The following CCDC196 variants were observed in gnomAD, a reference collection of about 807,000 sequenced individuals.
CCDC196 encodes coiled-coil domain-containing protein 196.
At chr14:66,488,526 C>T (rs369506122) in intron 3 of CCDC196, among the ~76,000 whole-genome samples, 6 of 152,220 alleles carry the variant, frequency 3.9e-5, no homozygotes, top group African/African-American at 9.6e-5. Context: ...TAACTCTTCA[C>T]ATTTCAGAAA....
chr14:66,497,073 G>C (rs1234894699), intron 8 of CCDC196, among the ~76,000 whole-genome samples: 1 of 152,138 alleles, frequency 6.6e-6, no homozygotes, highest in Non-Finnish European at 1.5e-5. Flanking sequence ...GAAAATAGTA[G>C]TGTTAAGCTA....
intron 8 of CCDC196, chr14:66,494,709 T>G (rs975396277): frequency 2.0e-5 from 3 of 152,228 alleles, no homozygotes; most frequent in African/African-American, 7.2e-5. Flanking sequence ...TTTATCTCCA[T>G]TAGGAAGTGA....
At chr14:66,494,491 T>G (rs1014705335) in intron 8 of CCDC196, among the ~76,000 whole-genome samples, 3 of 152,224 alleles carry the variant, frequency 2.0e-5, no homozygotes, top group African/African-American at 7.2e-5. Flanking sequence ...TCCAACTTTG[T>G]GTATCACCTG....
At chr14:66,488,344 C>T (rs1293067280) in intron 3 of CCDC196, 88 bp downstream of exon 3, 2 of 404,112 alleles carry the variant, frequency 4.9e-6, no homozygotes, top group Non-Finnish European at 8.9e-6. Context: ...AGACAGAGTA[C>T]TCATCTCTAG....
chr14:66,498,005 A>G (rs1018123072), intron 8 of CCDC196, 104 bp from the exon 9 acceptor site: 4 of 404,986 alleles, frequency 9.9e-6, no homozygotes, highest in Non-Finnish European at 1.8e-5. Flanking sequence ...GAAAATTCAC[A>G]TCAATGCTAA....
chr14:66,495,418 GTAT>G (rs1209208818), intron 8 of CCDC196, among the ~76,000 whole-genome samples: 2 of 152,136 alleles, frequency 1.3e-5, no homozygotes, highest in African/African-American at 2.4e-5. Context: ...TCTATGAAAG[GTAT>G]TATAGAACAA....
intron 2 of CCDC196, among the ~76,000 whole-genome samples, chr14:66,487,920 C>T (rs2057447313): frequency 6.6e-6 from 1 of 152,094 alleles, no homozygotes; most frequent in Non-Finnish European, 1.5e-5. Context: ...TGTTGGAGAC[C>T]TAAGTTTTAA....
chr14:66,498,297 G>A (rs2057714001), intron 9 of CCDC196, 56 bp from the exon 10 acceptor site: 1 of 412,406 alleles, frequency 2.4e-6, no homozygotes, highest in African/African-American at 2.1e-5. Context: ...TGCAGAGTGG[G>A]TGCTAGGGTA....
chr14:66,487,562 G>A (rs1314718975), intron 2 of CCDC196, among the ~76,000 whole-genome samples: 1 of 152,116 alleles, frequency 6.6e-6, no homozygotes, highest in Non-Finnish European at 1.5e-5. Context: ...AAAAGTACAA[G>A]AACACAAATA....
At chr14:66,486,999 A>G (rs1342885520) in intron 2 of CCDC196, among the ~76,000 whole-genome samples, 190 bp downstream of exon 2, 2 of 152,128 alleles carry the variant, frequency 1.3e-5, no homozygotes, top group African/African-American at 4.8e-5. Flanking sequence ...TCTTTTAGTA[A>G]ATTAAATATG....
intron 8 of CCDC196, 144 bp from the exon 9 acceptor site, chr14:66,497,965 A>G (rs371776704): frequency 2.5e-5 from 10 of 401,802 alleles, no homozygotes; most frequent in African/African-American, 1.7e-4. Context: ...ATATTGTTTG[A>G]CAAAGTTATT....
At chr14:66,488,855 C>A (rs1274434438) in intron 3 of CCDC196, 132 bp from the exon 4 acceptor site, 2 of 406,440 alleles carry the variant, frequency 4.9e-6, no homozygotes, top group East Asian at 3.6e-5. Context: ...TAGACCCATT[C>A]ATTGCCTTCC....
chr14:66,497,482 C>G (rs2057693161), intron 8 of CCDC196, among the ~76,000 whole-genome samples: 1 of 151,790 alleles, frequency 6.6e-6, no homozygotes, highest in African/African-American at 2.4e-5. Flanking sequence ...AAGGGATACC[C>G]TATTAAATTT....
At chr14:66,495,267 T>C (rs1195341822) in intron 8 of CCDC196, among the ~76,000 whole-genome samples, 3 of 152,206 alleles carry the variant, frequency 2.0e-5, no homozygotes, top group African/African-American at 4.8e-5. Flanking sequence ...AAGACTCAGA[T>C]ACATGAGTTG....
At chr14:66,495,410 T>C (rs1190899059) in intron 8 of CCDC196, among the ~76,000 whole-genome samples, 1 of 152,196 alleles carries the variant, frequency 6.6e-6, no homozygotes, top group African/African-American at 2.4e-5. Context: ...ACAGTGACTC[T>C]ATGAAAGGTA....
At chr14:66,497,979 T>C (rs2057706010) in intron 8 of CCDC196, 130 bp from the exon 9 acceptor site, 1 of 286,220 alleles carries the variant, frequency 3.5e-6, no homozygotes, top group Non-Finnish European at 6.5e-6. Flanking sequence ...AGTTATTTTC[T>C]AAAAAAAAAA....
intron 2 of CCDC196, among the ~76,000 whole-genome samples, chr14:66,487,852 TCCCAAAAGTCACA>T (rs1372694746): frequency 6.6e-6 from 1 of 152,060 alleles, no homozygotes; most frequent in Non-Finnish European, 1.5e-5. Context: ...CCCCTTCTTC[TCCCAAAAGTCACA>T]CACTGCAACA....
At chr14:66,496,119 TTC>T in intron 8 of CCDC196, 1 of 358,694 alleles carries the variant, frequency 2.8e-6, no homozygotes, top group South Asian at 2.2e-5. Flanking sequence ...AGGACAGCGT[TTC>T]TTTTTCTCTA....
At chr14:66,493,745 T>C (rs1216995520) in intron 8 of CCDC196, 1 of 152,164 alleles carries the variant, frequency 6.6e-6, no homozygotes, top group Non-Finnish European at 1.5e-5. Context: ...TCTATGCATA[T>C]TTTTCTTTCA....
Sources: gnomAD v4.1 joint callset for allele counts (sites outside exome capture counted in the v4.1 genomes callset) on GRCh38, gnomAD v4.1.1 for gene constraint, MANE v1.5 for transcripts, NCBI Gene and HGNC (gene_info 2026-07-23, HGNC 2026-07-21) for gene names.